Variants in SEL1L3 observed in about 807,000 individuals in gnomAD.
The protein encoded by SEL1L3 is SEL1L family member 3, also known as protein sel-1 homolog 3.
A neutral mutation model predicts 142.8 loss-of-function variants in SEL1L3; 76 were observed. The observed-to-expected ratio is 0.53, with a 90% CI of 0.44 to 0.64. The LOEUF (loss-of-function observed/expected upper bound fraction) is 0.64. Among genes scored for constraint, SEL1L3 ranks in the 30% least tolerant of loss-of-function variants. SEL1L3 has a pLI of 0.00. For synonymous variants in SEL1L3, 504 were observed against 519.6 expected (o/e 0.97, Z 0.41); for missense variants, 1,262 against 1,381.7 (o/e 0.91, Z 1.37).
the SEL1L3 span, among the ~76,000 whole-genome samples, chr4:25,729,923 T>C: frequency 2.0e-5 from 3 of 150,816 alleles, no homozygotes; most frequent in Admixed American, 6.6e-5. Flanking sequence ...CTTCTTCTTC[T>C]TCTCCTTCTT....
intron 13 of SEL1L3, among the ~76,000 whole-genome samples, chr4:25,785,965 G>C (rs1450581563): frequency 6.6e-6 from 1 of 152,080 alleles, no homozygotes; most frequent in Non-Finnish European, 1.5e-5. Flanking sequence ...GTCAAAAGTG[G>C]GATGACTTTT....
the SEL1L3 span, among the ~76,000 whole-genome samples, chr4:25,728,964 C>T: frequency 6.6e-6 from 1 of 152,062 alleles, no homozygotes; most frequent in African/African-American, 2.4e-5. Context: ...ACAAATACTA[C>T]GTTTCCAACC....
intron 9 of SEL1L3, among the ~76,000 whole-genome samples, chr4:25,815,640 G>A (rs1024275651): frequency 1.3e-5 from 2 of 152,052 alleles, no homozygotes; most frequent in Admixed American, 6.6e-5. Flanking sequence ...AGTCCATTTA[G>A]CCTAAACTGT....
At chr4:25,724,764 A>AAG in the SEL1L3 span, among the ~76,000 whole-genome samples, 41 of 28,518 alleles carry the variant, frequency 1.4e-3, 4 homozygotes, top group African/African-American at 6.3e-3. Context: ...AAAAAAAAAA[A>AAG]AAAAAAAGGA....
chr4:25,813,625 C>T (rs6448406), intron 9 of SEL1L3, among the ~76,000 whole-genome samples: 15,547 of 152,164 alleles, frequency 0.1, 2,027 homozygotes, highest in African/African-American at 0.29. Context: ...AGTCGTGGAG[C>T]TCTGTGGCAC....
intron 13 of SEL1L3, among the ~76,000 whole-genome samples, chr4:25,784,668 A>G (rs1467743018): frequency 1.3e-5 from 2 of 152,306 alleles, no homozygotes; most frequent in East Asian, 3.9e-4. Flanking sequence ...TCTGTGTTGG[A>G]CAGTCAAGAG....
In SEL1L3 at chr4:25,818,132, A is replaced by C; in HGVS notation, c.1564+6T>G. The C allele has an allele frequency of 1.9e-6, 3 of 1,610,748 alleles. No homozygotes were observed. The highest frequency in any genetic ancestry group is 2.2e-5 in the South Asian group (2 of 90,084). On this transcript the variant is annotated splice_donor_region_variant and intron_variant, in intron 9 of 23. Coordinates refer to ENST00000399878, the MANE Select transcript of SEL1L3 (RefSeq NM_015187.5). ...GCGCCTAAAGCCGAGGCAAAGACTCAATTACCGGTCAGCAGATCCATCTCC... is the reference window on the plus strand; with the variant it reads ...GCGCCTAAAGCCGAGGCAAAGACTCCATTACCGGTCAGCAGATCCATCTCC...
At chr4:25,761,178 C>T (rs1463316010) in intron 20 of SEL1L3, among the ~76,000 whole-genome samples, 4 of 152,096 alleles carry the variant, frequency 2.6e-5, no homozygotes, top group East Asian at 1.9e-4. Flanking sequence ...AAAAAAATGG[C>T]TTTATGATTT....
the SEL1L3 span, among the ~76,000 whole-genome samples, chr4:25,724,058 A>G: frequency 6.6e-4 from 101 of 152,312 alleles, no homozygotes; most frequent in East Asian, 0.018. Context: ...GTAGGGCCCC[A>G]GAGAGTCACA....
chr4:25,822,302 T>A (rs1714817213), intron 6 of SEL1L3, among the ~76,000 whole-genome samples, 174 bp from the exon 7 acceptor site: 1 of 152,186 alleles, frequency 6.6e-6, no homozygotes, highest in African/African-American at 2.4e-5. Context: ...GGATCCCAAT[T>A]CTGCTGTTTA....
downstream of SEL1L3, among the ~76,000 whole-genome samples, chr4:25,743,079 C>T (rs1017128251): frequency 1.2e-4 from 19 of 152,156 alleles, no homozygotes; most frequent in African/African-American, 4.3e-4. Context: ...TGCGGCAAAT[C>T]GGAAAGGACA....
At chr4:25,818,384 T>A in intron 8 of SEL1L3, 106 bp from the exon 9 acceptor site, 7 of 1,043,386 alleles carry the variant, frequency 6.7e-6, no homozygotes, top group Non-Finnish European at 9.2e-6. Context: ...TTGCCATTAC[T>A]GGATGTTGGT....
chr4:25,753,191 T>C (rs1717714019), intron 23 of SEL1L3, among the ~76,000 whole-genome samples: 1 of 152,260 alleles, frequency 6.6e-6, no homozygotes, highest in African/African-American at 2.4e-5. Context: ...GTGTCAACTA[T>C]ATATCACAGA....
chr4:25,816,615 C>A (rs547956214), intron 9 of SEL1L3, among the ~76,000 whole-genome samples: 2 of 152,288 alleles, frequency 1.3e-5, no homozygotes, highest in Admixed American at 1.3e-4. Context: ...CCATTCACTG[C>A]CACCAGAGTG....
chr4:25,714,019 C>T, the SEL1L3 span, among the ~76,000 whole-genome samples: 1 of 152,090 alleles, frequency 6.6e-6, no homozygotes, highest in African/African-American at 2.4e-5. Context: ...AGTGATGATG[C>T]AATTTAAATG....
intron 2 of SEL1L3, among the ~76,000 whole-genome samples, chr4:25,846,171 G>C: frequency 6.6e-6 from 1 of 152,264 alleles, no homozygotes; most frequent in South Asian, 2.1e-4. Context: ...AGAGCAAGGC[G>C]CTCCTTGCAC....
the SEL1L3 span, among the ~76,000 whole-genome samples, chr4:25,732,137 G>C: frequency 6.6e-6 from 1 of 152,024 alleles, no homozygotes; most frequent in African/African-American, 2.4e-5. Context: ...TGTAAACATT[G>C]GTGTACACGT....
chr4:25,776,398 G>T, intron 16 of SEL1L3, 38 bp from the exon 17 acceptor site: 1 of 1,377,850 alleles, frequency 7.3e-7, no homozygotes, highest in South Asian at 1.2e-5. Context: ...CGCAAACCAT[G>T]GCAAATTTAA....
At chr4:25,719,739 T>C in the SEL1L3 span, 6 of 152,310 alleles carry the variant, frequency 3.9e-5, no homozygotes, top group Non-Finnish European at 8.8e-5. Flanking sequence ...ACAATAATAT[T>C]TAGCATTGAA....
Sources: gnomAD v4.1 joint callset for allele counts (sites outside exome capture counted in the v4.1 genomes callset) on GRCh38, gnomAD v4.1.1 for gene constraint, MANE v1.5 for transcripts, NCBI Gene and HGNC (gene_info 2026-07-23, HGNC 2026-07-21) for gene names.